Variants in EFHB observed in about 807,000 individuals in gnomAD.
EFHB encodes EF-hand domain family member B.
Under a neutral mutation model 87.2 loss-of-function variants are expected in EFHB, and 91 were observed. The ratio of observed to expected loss-of-function variants is 1.04; its 90% CI spans 0.88 to 1.24. EFHB has a LOEUF of 1.24. EFHB is among the 50% of genes most tolerant of loss of function. The pLI is 0.00. For synonymous variants in EFHB, 325 were observed against 333.6 expected, an observed-to-expected ratio of 0.97 and a Z score of 0.28; for missense variants, 1,084 against 998.8, an observed-to-expected ratio of 1.09 and a Z score of -1.15.
upstream of EFHB, among the ~76,000 whole-genome samples, chr3:19,938,214 G>A (rs546611640): frequency 6.6e-6 from 1 of 152,320 alleles, no homozygotes; most frequent in South Asian, 2.1e-4. Flanking sequence ...AGGACATGTG[G>A]CAACTTTCTG....
intron 7 of EFHB, among the ~76,000 whole-genome samples, 186 bp downstream of exon 7, chr3:19,899,246 G>GGAGA (rs1694587628): frequency 6.6e-6 from 1 of 152,164 alleles, no homozygotes; most frequent in South Asian, 2.1e-4. Context: ...TCTGCATTTT[G>GGAGA]GAGAACTCAC....
chr3:19,915,528 A>G, intron 4 of EFHB, 115 bp from the exon 5 acceptor site: 1 of 639,756 alleles, frequency 1.6e-6, no homozygotes. Context: ...GGCTACATAG[A>G]CATCCCGAGA....
At chr3:19,914,148 A>G (rs549760226) in intron 5 of EFHB, among the ~76,000 whole-genome samples, 3 of 152,252 alleles carry the variant, frequency 2.0e-5, no homozygotes, top group African/African-American at 7.2e-5. Context: ...GATTCTCACT[A>G]TGTTGCCCAG....
chr3:19,941,062 G>T, intron 1 of EFHB: 1 of 358,772 alleles, frequency 2.8e-6, no homozygotes, highest in East Asian at 5.9e-5. Context: ...TTGGACAGCT[G>T]CACCATAAGC....
intron 1 of EFHB, chr3:19,941,159 T>C (rs554316649): frequency 5.1e-6 from 2 of 393,096 alleles, no homozygotes; most frequent in African/African-American, 2.1e-5. Context: ...GGGATAAAAG[T>C]AGAACCACCA....
chr3:19,882,935 A>G (rs1035991491), intron 11 of EFHB, among the ~76,000 whole-genome samples: 7 of 152,286 alleles, frequency 4.6e-5, no homozygotes, highest in Middle Eastern at 3.4e-3. Flanking sequence ...AAATGATAAT[A>G]TTTTGAATAT....
intron 6 of EFHB, among the ~76,000 whole-genome samples, chr3:19,901,523 GA>G (rs1694669449): frequency 6.6e-6 from 1 of 152,180 alleles, no homozygotes; most frequent in Non-Finnish European, 1.5e-5. Context: ...AACAAAAGAA[GA>G]AACATAAGTA....
intron 10 of EFHB, among the ~76,000 whole-genome samples, chr3:19,887,587 T>C (rs1265470413): frequency 6.6e-6 from 1 of 152,134 alleles, no homozygotes; most frequent in African/African-American, 2.4e-5. Flanking sequence ...TGGACCTCAC[T>C]GGAAGAAGAC....
chr3:19,882,420 T>C (rs2071700669), intron 12 of EFHB, 130 bp downstream of exon 12: 1 of 835,624 alleles, frequency 1.2e-6, no homozygotes, highest in South Asian at 3.5e-5. Context: ...TTGAGGATTA[T>C]TCATCAAGAA....
At chr3:19,901,544 G>A (rs1457616570) in intron 6 of EFHB, among the ~76,000 whole-genome samples, 2 of 152,246 alleles carry the variant, frequency 1.3e-5, no homozygotes, top group East Asian at 1.9e-4. Context: ...AATTCATCTC[G>A]TTTCTTCATT....
At chr3:19,910,002 G>A (rs1228006018) in intron 5 of EFHB, among the ~76,000 whole-genome samples, 1 of 151,976 alleles carries the variant, frequency 6.6e-6, no homozygotes, top group African/African-American at 2.4e-5. Flanking sequence ...AGACTTCCTG[G>A]CTTCAGAAGA....
At chr3:19,921,321 C>T (rs1262568576) in intron 1 of EFHB, among the ~76,000 whole-genome samples, 1 of 151,928 alleles carries the variant, frequency 6.6e-6, no homozygotes, top group Non-Finnish European at 1.5e-5. Flanking sequence ...GTTTAAGAGA[C>T]TGTCTTGCTG....
Position 19,884,594 on chromosome 3 carries a change from T to C in EFHB, c.1955A>G (p.Asn652Ser). 1 of 1,613,210 alleles carries C rather than the reference T, an allele frequency of 6.2e-7. No homozygotes were observed. Among genetic ancestry groups the C allele is most frequent in the South Asian group, 1.1e-5 (1 of 90,884 alleles). The change falls in exon 11 of 13, where the codon AAC becomes AGC. Residue 652 changes from asparagine (N) to serine (S), a missense_variant. Transcript: ENST00000295824. ...TTCTTCAACATTAGCCTCAGTAGGG[T>C]TTACACAATCTGGTTTTCTACCTTT... Reference protein sequence around the residue: ...IIKGRKPDCVNPTEANVEEPE... With the variant: ...IIKGRKPDCVSPTEANVEEPE...
At position 19,898,784 on chromosome 3, in the gene EFHB, C is replaced by T. The variant is rs1559452979; in HGVS notation, c.1564G>A (p.Glu522Lys). The change falls in exon 8 of 13, where the codon GAA becomes AAA. Residue 522 changes from glutamate to lysine, a missense_variant. By Grantham distance (56) the Glu-to-Lys change is moderately conservative (BLOSUM62 1). Transcript: ENST00000295824. The stretch of plus-strand genomic sequence containing the variant: ...AGAAAGTGTGTATATTTACCATATT[C>T]CTCAGGACGGAGACAAGCTCCAAAT... ...CTFGACLRPEEYGVGDLIHNR... is the reference protein window; with the variant it reads ...CTFGACLRPEKYGVGDLIHNR... 6.2e-7 allele frequency: 1 copy of T among 1,613,458 alleles called. No individual in the cohort carries two copies. Among genetic ancestry groups the T allele is most frequent in the African/African-American group, 1.3e-5 (1 of 74,990 alleles).
intron 10 of EFHB, among the ~76,000 whole-genome samples, chr3:19,888,116 A>T (rs1250630504): frequency 6.6e-6 from 1 of 152,180 alleles, no homozygotes; most frequent in Non-Finnish European, 1.5e-5. Flanking sequence ...CAGATATTCC[A>T]TGCATAAACA....
intron 5 of EFHB, among the ~76,000 whole-genome samples, 166 bp from the exon 6 acceptor site, chr3:19,905,915 C>A (rs1694827492): frequency 6.6e-6 from 1 of 152,182 alleles, no homozygotes; most frequent in Non-Finnish European, 1.5e-5. Flanking sequence ...CAGAAGCATT[C>A]CCCCATGTGA....
chr3:19,901,250 G>A (rs1174655318), intron 6 of EFHB, among the ~76,000 whole-genome samples: 2 of 152,128 alleles, frequency 1.3e-5, no homozygotes, highest in African/African-American at 2.4e-5. Context: ...GATTATGAGC[G>A]ATTTTATTTT....
rs1694747140 is a variant in EFHB at position 19,903,713 on chromosome 3, A to C, written c.1418+1907T>G. 2.0e-5 allele frequency among the ~76,000 whole-genome samples: 3 copies of C among 152,188 alleles called. No individual in the cohort carries two copies. In the South Asian group the frequency reaches 6.2e-4, roughly 31 times the overall value. ...TATTTTGAATAATTCGAGTATCAGA[A>C]ACTCATGTAATAAAGGAGTGAAAGA... is the stretch of plus-strand genomic sequence containing the variant. On this transcript the variant is annotated intron_variant, in intron 6 of 12. Transcript: ENST00000295824.
At chr3:19,882,039 A>ATAAT (rs1553627400) in intron 12 of EFHB, among the ~76,000 whole-genome samples, 10 of 141,792 alleles carry the variant, frequency 7.1e-5, no homozygotes, top group African/African-American at 1.1e-4. Context: ...AAATAAATAA[A>ATAAT]TAAATAAATA....
Sources: gnomAD v4.1 joint callset for allele counts (sites outside exome capture counted in the v4.1 genomes callset) on GRCh38, gnomAD v4.1.1 for gene constraint, MANE v1.5 for transcripts, NCBI Gene and HGNC (gene_info 2026-07-23, HGNC 2026-07-21) for gene names.